The following ADGRB3 variants were observed in gnomAD, a reference collection of about 807,000 sequenced individuals.
The protein encoded by ADGRB3 is adhesion G protein-coupled receptor B3.
A neutral mutation model predicts 193.4 loss-of-function variants in ADGRB3; 37 were observed. The ratio of observed to expected loss-of-function variants is 0.19; its 90% confidence interval spans 0.15 to 0.25. The LOEUF is 0.25. Among genes scored for constraint, ADGRB3 ranks in the 10% least tolerant of loss-of-function variants. The pLI, the probability that ADGRB3 is intolerant of heterozygous loss-of-function variation, is 1.00. For missense variants in ADGRB3, 1,637 were observed against 1,852.9 expected (o/e 0.88, Z 2.14); for synonymous variants, 690 against 644.2 (o/e 1.07, Z -1.08).
intron 17 of ADGRB3, among the ~76,000 whole-genome samples, chr6:69,133,779 G>A (rs548849710): frequency 3.1e-4 from 47 of 151,440 alleles, no homozygotes; most frequent in Non-Finnish European, 5.3e-4. Flanking sequence ...ATTTTGATGC[G>A]CCCATCACCC....
At chr6:69,121,260 C>G (rs947824587) in intron 17 of ADGRB3, among the ~76,000 whole-genome samples, 28 of 152,116 alleles carry the variant, frequency 1.8e-4, no homozygotes, top group African/African-American at 6.0e-4. Context: ...CATCTTGCAC[C>G]GCCCTTAATC....
chr6:69,232,667 G>A (rs1250999550), intron 17 of ADGRB3: 4 of 1,514,158 alleles, frequency 2.6e-6, no homozygotes, highest in Non-Finnish European at 3.5e-6. Flanking sequence ...CCAGGCAAAG[G>A]CAATGAGAGT....
In ADGRB3 at chr6:68,812,881, G is replaced by A. The variant is rs369835359; in HGVS notation, c.758-117678G>A. 4.7e-5 allele frequency among the ~76,000 whole-genome samples: 7 copies of A among 149,272 alleles called. No individual in the cohort carries two copies. In the East Asian group the frequency reaches 9.9e-4, roughly 21 times the overall value. ...GATGTTCCCCTCCCTGTGTCCATGT[G>A]TTCTCATTGTTAAACTCCCAGTTAT... On this transcript the variant is annotated intron_variant, in intron 3 of 31. Transcript: ENST00000370598.
chr6:69,358,364 C>G (rs1769377788), intron 28 of ADGRB3, among the ~76,000 whole-genome samples: 2 of 151,924 alleles, frequency 1.3e-5, no homozygotes, highest in South Asian at 4.1e-4. Flanking sequence ...ATTAGACCAT[C>G]CTCCTCAAGC....
At chr6:69,249,138 C>T (rs540272465) in intron 20 of ADGRB3, among the ~76,000 whole-genome samples, 29 of 152,172 alleles carry the variant, frequency 1.9e-4, no homozygotes, top group African/African-American at 6.0e-4. Flanking sequence ...TCACCATGCC[C>T]GGCTAATTAT....
At chr6:68,775,661 A>G (rs1169508695) in intron 3 of ADGRB3, among the ~76,000 whole-genome samples, 2 of 152,082 alleles carry the variant, frequency 1.3e-5, no homozygotes, top group African/African-American at 4.8e-5. Flanking sequence ...TTTCAAAACA[A>G]CAGGTAAGAA....
At chr6:69,180,797 G>A (rs1046694251) in intron 17 of ADGRB3, among the ~76,000 whole-genome samples, 4 of 152,284 alleles carry the variant, frequency 2.6e-5, no homozygotes, top group African/African-American at 4.8e-5. Flanking sequence ...TCCAGAGTAC[G>A]TACTCCATTT....
chr6:68,772,894 AATATATATATATATAT>A (rs1208790675), intron 3 of ADGRB3, among the ~76,000 whole-genome samples: 575 of 22,850 alleles, frequency 0.025, 14 homozygotes, highest in African/African-American at 0.1. Context: ...AAAAAAAAAA[AATATATATATATATAT>A]ATATATATAT....
intron 3 of ADGRB3, among the ~76,000 whole-genome samples, chr6:68,923,471 C>A (rs1043256622): frequency 3.3e-5 from 5 of 151,890 alleles, no homozygotes; most frequent in Admixed American, 2.0e-4. Context: ...GGTCAAGCAA[C>A]CATTAATCAA....
At chr6:69,287,638 G>A (rs1767580688) in intron 20 of ADGRB3, among the ~76,000 whole-genome samples, 1 of 152,160 alleles carries the variant, frequency 6.6e-6, no homozygotes, top group Non-Finnish European at 1.5e-5. Flanking sequence ...TAAGCTCATG[G>A]AGAGAAATGA....
chr6:68,857,203 G>A (rs141181208), intron 3 of ADGRB3, among the ~76,000 whole-genome samples: 14,243 of 152,258 alleles, frequency 0.094, 885 homozygotes, highest in Non-Finnish European at 0.13. Flanking sequence ...TGGGGTTGGA[G>A]CCCCCACACA....
intron 3 of ADGRB3, among the ~76,000 whole-genome samples, chr6:68,897,326 A>T (rs181342858): frequency 6.7e-6 from 1 of 148,302 alleles, no homozygotes; most frequent in East Asian, 2.1e-4. Context: ...CGCCACTTGT[A>T]TTCCAGCCTG....
At chr6:68,942,593 G>A (rs1166834591) in intron 5 of ADGRB3, among the ~76,000 whole-genome samples, 1 of 152,056 alleles carries the variant, frequency 6.6e-6, no homozygotes, top group African/African-American at 2.4e-5. Context: ...TGACCATGCA[G>A]GGAAGGGATC....
intron 13 of ADGRB3, among the ~76,000 whole-genome samples, chr6:69,028,757 CAT>C (rs1051394383): frequency 1.3e-5 from 2 of 152,192 alleles, no homozygotes; most frequent in Non-Finnish European, 2.9e-5. Context: ...TATATTATCA[CAT>C]ATTATGCCAA....
rs573280506 is a variant in ADGRB3, at chr6:69,295,056, G to A, written c.2815-29816G>A. On this transcript the variant is annotated intron_variant, in intron 20 of 31. Coordinates refer to ENST00000370598, the MANE Select transcript of ADGRB3 (RefSeq NM_001704.3). ...TCACTGCAGCAAGCCTGCTCTGACTGACCTGGTAGACACTGCCAACATTTG... is the reference window on the plus strand; with the variant it reads ...TCACTGCAGCAAGCCTGCTCTGACTAACCTGGTAGACACTGCCAACATTTG... Among the ~76,000 whole-genome samples the A allele has an allele frequency of 3.4e-4, 51 of 152,236 alleles. 1 individual carries two copies. The South Asian group carries it at 0.01, about 30-fold the overall frequency.
intron 15 of ADGRB3, among the ~76,000 whole-genome samples, chr6:69,057,589 A>G (rs1771581159): frequency 6.6e-6 from 1 of 151,958 alleles, no homozygotes; most frequent in Non-Finnish European, 1.5e-5. Flanking sequence ...GACCTTTGCT[A>G]TGTTGAGATA....
chr6:69,040,061 ATTATAT>A (rs1160016259), intron 13 of ADGRB3, among the ~76,000 whole-genome samples: 1 of 152,084 alleles, frequency 6.6e-6, no homozygotes, highest in Admixed American at 6.5e-5. Flanking sequence ...TTTTGAGATA[ATTATAT>A]TTATATATGA....
chr6:68,805,734 A>G (rs1767389642), intron 3 of ADGRB3, among the ~76,000 whole-genome samples: 1 of 152,316 alleles, frequency 6.6e-6, no homozygotes, highest in South Asian at 2.1e-4. Context: ...AGCCTACCAT[A>G]ATGGCTGTAT....
intron 3 of ADGRB3, among the ~76,000 whole-genome samples, chr6:68,817,260 T>C (rs1034604019): frequency 7.2e-5 from 10 of 138,942 alleles, no homozygotes; most frequent in African/African-American, 2.4e-4. Flanking sequence ...TTATCAATTC[T>C]GAATTAATTA....
Sources: gnomAD v4.1 joint callset for allele counts (sites outside exome capture counted in the v4.1 genomes callset) on GRCh38, gnomAD v4.1.1 for gene constraint, MANE v1.5 for transcripts, NCBI Gene and HGNC (gene_info 2026-07-23, HGNC 2026-07-21) for gene names.